PLPP1: variants seen among roughly 807,000 people sequenced by gnomAD.
PLPP1 encodes phospholipid phosphatase 1, also known as lipid phosphate phosphohydrolase 1a.
In PLPP1, 24 loss-of-function variants were observed where a neutral mutation model predicts 31.2. That is an observed-to-expected ratio of 0.77 (90% CI 0.56 to 1.08). The LOEUF (loss-of-function observed/expected upper bound fraction) is 1.08, where lower values mean the gene tolerates loss of function less well. Ranked by LOEUF, PLPP1 falls within the 50% of genes least tolerant of loss-of-function variation. PLPP1 has a pLI of 0.00. For missense variants in PLPP1, 319 were observed against 342.7 expected (o/e 0.93, Z 0.55); for synonymous variants, 146 against 126.3 (o/e 1.16, Z -1.05).
Position 55,534,953 on chromosome 5 carries a change from G to A in PLPP1, c.-324C>T, listed in dbSNP as rs1447032420. 9 of 363,912 alleles carry A rather than the reference G, an allele frequency of 2.5e-5. No individual in the cohort carries two copies. Among genetic ancestry groups the A allele is most frequent in the Non-Finnish European group, 4.0e-5 (8 of 200,422 alleles). The allele number at this position is 363,912 out of a possible 1,614,324, so 22.5% of individuals were successfully genotyped here. A position where few individuals can be genotyped will look rare whatever the true frequency, so the allele number is the denominator to read the frequency against. On this transcript the variant is annotated 5_prime_UTR_variant, in exon 1 of 6. Transcript: ENST00000307259. ...CCGGTTGCTCCCCGTCCGGATCCCG[G>A]CGCTCTCTCCCACAGGCGGGGCGTC...
chr5:55,449,739 C>T (rs534453628), intron 3 of PLPP1, among the ~76,000 whole-genome samples: 104 of 152,122 alleles, frequency 6.8e-4, no homozygotes, highest in Non-Finnish European at 1.3e-3. Context: ...ATGTTTGATA[C>T]CCTGAAATTC....
chr5:55,435,871 T>C (rs939058688), intron 4 of PLPP1, among the ~76,000 whole-genome samples: 2 of 151,930 alleles, frequency 1.3e-5, no homozygotes, highest in African/African-American at 2.4e-5. Flanking sequence ...CCCTGTCTCT[T>C]TGTACTACAG....
At chr5:55,439,565 C>T (rs983043333) in intron 4 of PLPP1, among the ~76,000 whole-genome samples, 1 of 152,082 alleles carries the variant, frequency 6.6e-6, no homozygotes, top group African/African-American at 2.4e-5. Context: ...TCAAACTGAC[C>T]CAATTACCAC....
intron 1 of PLPP1, among the ~76,000 whole-genome samples, chr5:55,520,363 A>G (rs1387549969): frequency 2.6e-5 from 4 of 152,244 alleles, no homozygotes; most frequent in Non-Finnish European, 5.9e-5. Flanking sequence ...AATTAAACAA[A>G]CAAACAAAAA....
chr5:55,497,974 G>A (rs1330381143), intron 1 of PLPP1, among the ~76,000 whole-genome samples: 1 of 151,928 alleles, frequency 6.6e-6, no homozygotes, highest in Non-Finnish European at 1.5e-5. Flanking sequence ...GAGACTGAGG[G>A]CAGGGAAGGC....
At chr5:55,514,389 C>A (rs1579979152) in intron 1 of PLPP1, among the ~76,000 whole-genome samples, 2 of 143,470 alleles carry the variant, frequency 1.4e-5, no homozygotes, top group African/African-American at 5.2e-5. Context: ...GACCTGGTCT[C>A]AAAAAAAAAA....
At chr5:55,499,294 C>T (rs911660374) in intron 1 of PLPP1, among the ~76,000 whole-genome samples, 2 of 152,160 alleles carry the variant, frequency 1.3e-5, no homozygotes, top group Admixed American at 6.5e-5. Context: ...TCCTCCACAT[C>T]CTCAGAGTTA....
At chr5:55,432,293 ATGG>A (rs1247370247) in intron 4 of PLPP1, among the ~76,000 whole-genome samples, 1 of 152,022 alleles carries the variant, frequency 6.6e-6, no homozygotes, top group African/African-American at 2.4e-5. Flanking sequence ...CCCAGAATAA[ATGG>A]ATCAATTCCT....
intron 2 of PLPP1, among the ~76,000 whole-genome samples, chr5:55,471,368 A>C (rs1291665092): frequency 6.6e-6 from 1 of 151,852 alleles, no homozygotes; most frequent in Non-Finnish European, 1.5e-5. Context: ...CACCCAGCTA[A>C]ATTTTGTATT....
intron 1 of PLPP1, among the ~76,000 whole-genome samples, chr5:55,514,187 T>C (rs923813538): frequency 3.9e-5 from 6 of 152,148 alleles, no homozygotes; most frequent in African/African-American, 1.2e-4. Flanking sequence ...AAGACCTGCC[T>C]AGACAACATA....
intron 3 of PLPP1, among the ~76,000 whole-genome samples, chr5:55,445,331 T>C (rs1460747148): frequency 6.6e-6 from 1 of 152,064 alleles, no homozygotes; most frequent in East Asian, 1.9e-4. Flanking sequence ...TCAAAAGCAA[T>C]CAACTCATAT....
chr5:55,511,830 ATTT>A (rs879881094), intron 1 of PLPP1, among the ~76,000 whole-genome samples: 2 of 142,214 alleles, frequency 1.4e-5, no homozygotes, highest in African/African-American at 2.6e-5. Flanking sequence ...CGCCCAGCTA[ATTT>A]TTTTTTTTTT....
chr5:55,481,439 G>C lies in PLPP1; in HGVS notation c.59-5989C>G, dbSNP rs1034171756. Among the ~76,000 whole-genome samples, 5 of 152,084 alleles carry C rather than the reference G, an allele frequency of 3.3e-5. No individual in the cohort carries two copies. The South Asian group carries it at 8.3e-4, about 25-fold the overall frequency. ...CATACCAGATGCCCAAGAGAGAGTG[G>C]CATGCAACTTTAGAGACCACAGTAG... is the stretch of plus-strand genomic sequence containing the variant. On this transcript the variant is annotated intron_variant, in intron 1 of 5. Coordinates refer to ENST00000307259, the MANE Select transcript of PLPP1 (RefSeq NM_003711.4).
In PLPP1 at chr5:55,485,943, G is replaced by A. The variant is rs531973972; in HGVS notation, c.59-10493C>T. On this transcript the variant is annotated intron_variant, in intron 1 of 5. Coordinates refer to ENST00000307259, the MANE Select transcript of PLPP1 (RefSeq NM_003711.4). ...CTGTCTTCCAACTAATTCTCTATAT[G>A]AAACTTTTATTTCCAGGATAAATTC... is the stretch of plus-strand genomic sequence containing the variant. Among the ~76,000 whole-genome samples the A allele has an allele frequency of 9.9e-5, 15 of 152,046 alleles. No homozygotes were observed. The South Asian group carries it at 1.9e-3, about 19-fold the overall frequency.
chr5:55,501,352 G>C (rs1753140980), intron 1 of PLPP1, among the ~76,000 whole-genome samples: 1 of 151,904 alleles, frequency 6.6e-6, no homozygotes, highest in African/African-American at 2.4e-5. Context: ...AAAACACAAA[G>C]CAGTAAAAAC....
intron 3 of PLPP1, among the ~76,000 whole-genome samples, chr5:55,463,881 A>G (rs1752225193): frequency 6.6e-6 from 1 of 151,740 alleles, no homozygotes; most frequent in East Asian, 1.9e-4. Flanking sequence ...TATTTTCAAA[A>G]CATATATCTA....
intron 2 of PLPP1, among the ~76,000 whole-genome samples, chr5:55,471,085 T>TA: frequency 6.6e-6 from 1 of 152,202 alleles, no homozygotes; most frequent in Non-Finnish European, 1.5e-5. Flanking sequence ...AAGAATTGTC[T>TA]AAAATCAATG....
chr5:55,460,466 T>C (rs754050581), intron 3 of PLPP1, among the ~76,000 whole-genome samples: 5 of 151,974 alleles, frequency 3.3e-5, no homozygotes, highest in Non-Finnish European at 7.4e-5. Flanking sequence ...ACACAAATTA[T>C]CAATAGTAAG....
chr5:55,467,258 G>A (rs1237395281), intron 3 of PLPP1, among the ~76,000 whole-genome samples: 1 of 152,150 alleles, frequency 6.6e-6, no homozygotes, highest in African/African-American at 2.4e-5. Context: ...GACCCCTGTG[G>A]CAGCGCTGTT....
Sources: allele counts gnomAD v4.1 joint callset (sites outside exome capture counted in the v4.1 genomes callset), GRCh38; gene constraint gnomAD v4.1.1; transcripts MANE v1.5; gene names NCBI Gene and HGNC (gene_info 2026-07-23, HGNC 2026-07-21).